The following KLHL2 variants were observed in gnomAD, a reference collection of about 807,000 sequenced individuals.
The protein encoded by KLHL2 is kelch-like protein 2.
Under a neutral mutation model 75.8 loss-of-function variants are expected in KLHL2, and 15 were observed. That is an observed-to-expected ratio of 0.20 (90% CI 0.13 to 0.30). KLHL2 has a LOEUF of 0.30. Ranked by LOEUF, KLHL2 falls within the 10% of genes least tolerant of loss-of-function variation. The pLI is 1.00. For missense variants in KLHL2, 381 were observed against 741.0 expected, an observed-to-expected ratio of 0.51 and a Z score of 5.64; for synonymous variants, 214 against 251.9, an observed-to-expected ratio of 0.85 and a Z score of 1.42.
intron 2 of KLHL2, among the ~76,000 whole-genome samples, chr4:165,224,233 A>C (rs1308523270): frequency 1.3e-5 from 2 of 152,222 alleles, no homozygotes; most frequent in Non-Finnish European, 2.9e-5. Context: ...AAATTAAAAA[A>C]AAAAAAACCT....
At chr4:165,320,887 T>C (rs1480713073) in intron 14 of KLHL2, among the ~76,000 whole-genome samples, 2 of 152,204 alleles carry the variant, frequency 1.3e-5, no homozygotes, top group Non-Finnish European at 2.9e-5. Flanking sequence ...AGCTAATAGA[T>C]ACCAAACCAG....
chr4:165,264,763 TATAAA>T (rs1742104816), intron 5 of KLHL2, among the ~76,000 whole-genome samples: 1 of 101,384 alleles, frequency 9.9e-6, no homozygotes, highest in African/African-American at 4.6e-5. Flanking sequence ...TATATATATA[TATAAA>T]ACATTATCCA....
At chr4:165,303,493 T>TTCCCCCCC (rs1335606508) in intron 8 of KLHL2, among the ~76,000 whole-genome samples, 5 of 95,882 alleles carry the variant, frequency 5.2e-5, no homozygotes, top group Non-Finnish European at 9.9e-5. Flanking sequence ...TTTACAACCT[T>TTCCCCCCC]GCCCCCCCCG....
chr4:165,245,678 A>G lies in KLHL2; in HGVS notation c.381+6779A>G, dbSNP rs1424597412. Among the ~76,000 whole-genome samples the G allele has an allele frequency of 2.0e-5, 3 of 152,174 alleles. No homozygotes were observed. In the East Asian group the frequency reaches 5.8e-4, roughly 29 times the overall value. On this transcript the variant is annotated intron_variant, in intron 4 of 14. Transcript: ENST00000226725. The stretch of plus-strand genomic sequence containing the variant: ...ACTGTAAACACTGATATGGTGCCCA[A>G]TAAGCTTTGTGGTATTGGTCAGGAT...
chr4:165,308,412 TCTCC>T (rs1579174713), intron 9 of KLHL2, among the ~76,000 whole-genome samples: 1 of 152,188 alleles, frequency 6.6e-6, no homozygotes, highest in Admixed American at 6.6e-5. Flanking sequence ...CCCTCTTTCC[TCTCC>T]CTCCTTCAGA....
At chr4:165,303,166 A>C (rs1385663763) in intron 8 of KLHL2, among the ~76,000 whole-genome samples, 1 of 152,140 alleles carries the variant, frequency 6.6e-6, no homozygotes, top group Non-Finnish European at 1.5e-5. Context: ...TTGGGTGAGT[A>C]AAGGACAAAT....
intron 3 of KLHL2, among the ~76,000 whole-genome samples, chr4:165,234,876 A>G (rs561143222): frequency 6.6e-6 from 1 of 152,194 alleles, no homozygotes; most frequent in South Asian, 2.1e-4. Context: ...GCTTATGCCT[A>G]TAATCCCAGT....
chr4:165,286,123 T>C lies in KLHL2; in HGVS notation c.545-8236T>C, dbSNP rs191077048. ...AAGTATCAGGCCAAAGAGTGAAGCA[T>C]AGCATCAGTGGAAAAATGCACAATG... On this transcript the variant is annotated intron_variant, in intron 5 of 14. Transcript: ENST00000226725. 2.4e-3 allele frequency among the ~76,000 whole-genome samples: 361 copies of C among 152,248 alleles called. 2 individuals carry two copies. The highest frequency in any genetic ancestry group is 8.2e-3 in the African/African-American group (341 of 41,538).
intron 1 of KLHL2, 111 bp downstream of exon 1, chr4:165,208,013 T>A: frequency 1.4e-6 from 1 of 705,072 alleles, no homozygotes; most frequent in Non-Finnish European, 1.9e-6. Flanking sequence ...CGGCGGGAGG[T>A]GGGAGATGCG....
intron 3 of KLHL2, among the ~76,000 whole-genome samples, chr4:165,234,467 T>A (rs1302242219): frequency 6.6e-6 from 1 of 152,226 alleles, no homozygotes; most frequent in Admixed American, 6.5e-5. Flanking sequence ...ATAGAATTTT[T>A]AAAATGAAAT....
chr4:165,317,228 T>A (rs928348279), intron 13 of KLHL2, among the ~76,000 whole-genome samples: 11 of 149,918 alleles, frequency 7.3e-5, no homozygotes, highest in South Asian at 2.1e-4. Context: ...AAAAAAAAAA[T>A]GAGGGTCAAA....
rs1273927359 is a variant in KLHL2, at chr4:165,319,507, G to A, written c.1753+1538G>A. Among the ~76,000 whole-genome samples the A allele has an allele frequency of 6.6e-6, 1 of 152,036 alleles. No individual in the cohort carries two copies. Among genetic ancestry groups the A allele is most frequent in the Non-Finnish European group, 1.5e-5 (1 of 68,020 alleles). ...TCCAGGGTAGGGATCATTGTAAAAA[G>A]GAAAAAGGAAATTCATGAAGCCGTC... On this transcript the variant is annotated intron_variant, in intron 14 of 14. Transcript: ENST00000226725. This position sits in a 1 kb window ranked among gnomAD's most constrained non-coding sequence, Gnocchi z 4.5.
At chr4:165,237,474 C>T (rs1483052033) in intron 3 of KLHL2, among the ~76,000 whole-genome samples, 1 of 150,928 alleles carries the variant, frequency 6.6e-6, no homozygotes, top group Non-Finnish European at 1.5e-5. Context: ...CTGAGATGAA[C>T]AGCTTCTTTC....
At chr4:165,311,807 C>CTGTGTG (rs753272810) in intron 11 of KLHL2, among the ~76,000 whole-genome samples, 6,909 of 111,494 alleles carry the variant, frequency 0.062, 237 homozygotes, top group Non-Finnish European at 0.086. Context: ...CCTCCTTTCT[C>CTGTGTG]TCTGTGTGTG....
At chr4:165,308,599 C>A (rs772925289) in intron 9 of KLHL2, among the ~76,000 whole-genome samples, 23 of 152,280 alleles carry the variant, frequency 1.5e-4, no homozygotes, top group Middle Eastern at 3.4e-3. Context: ...TAGATTGATT[C>A]ATTTATTTTC....
At chr4:165,226,696 TA>T (rs1738463535) in intron 2 of KLHL2, among the ~76,000 whole-genome samples, 1 of 152,118 alleles carries the variant, frequency 6.6e-6, no homozygotes, top group Non-Finnish European at 1.5e-5. Flanking sequence ...ATATAGAACT[TA>T]AAAATACTTT....
chr4:165,297,864 C>G (rs779396339), intron 7 of KLHL2, 139 bp downstream of exon 7: 23 of 650,656 alleles, frequency 3.5e-5, no homozygotes, highest in South Asian at 2.1e-4. Context: ...TAAAGGACCC[C>G]GCAGGCTGGA....
intron 1 of KLHL2, among the ~76,000 whole-genome samples, chr4:165,217,146 A>T (rs567295125): frequency 6.6e-6 from 1 of 152,216 alleles, no homozygotes; most frequent in Admixed American, 6.5e-5. Flanking sequence ...AATCCTCAGT[A>T]TAACATTCTT....
intron 1 of KLHL2, chr4:165,209,949 A>C: frequency 7.2e-7 from 1 of 1,385,960 alleles, no homozygotes; most frequent in Non-Finnish European, 9.6e-7. Flanking sequence ...ACATCCCTCC[A>C]CCATGGATCC....
Sources: gnomAD v4.1 joint callset for allele counts (sites outside exome capture counted in the v4.1 genomes callset) on GRCh38, gnomAD v4.1.1 for gene constraint, Gnocchi (gnomAD v3.1) non-coding constraint, MANE v1.5 for transcripts, NCBI Gene and HGNC (gene_info 2026-07-23, HGNC 2026-07-21) for gene names.